Variants in GALNT15 observed in about 807,000 individuals in gnomAD.
GALNT15 encodes polypeptide N-acetylgalactosaminyltransferase 15.
A neutral mutation model predicts 66.8 loss-of-function variants in GALNT15; 67 were observed. That is an observed-to-expected ratio of 1.00 (90% confidence interval 0.82 to 1.23). The LOEUF (loss-of-function observed/expected upper bound fraction) is 1.23, where lower values mean the gene tolerates loss of function less well. Among genes scored for constraint, GALNT15 ranks in the 50% most tolerant of loss-of-function variants. The pLI is 0.00. For missense variants in GALNT15, 827 were observed against 804.3 expected (o/e 1.03, Z -0.34); for synonymous variants, 313 against 311.5 (o/e 1.00, Z -0.05).
downstream of GALNT15, among the ~76,000 whole-genome samples, chr3:16,230,272 G>A (rs2064069615): frequency 6.6e-6 from 1 of 152,212 alleles, no homozygotes; most frequent in Admixed American, 6.5e-5. This position sits in a 1 kb window ranked among gnomAD's most constrained non-coding sequence, Gnocchi z 4.5. Context: ...AACAGTAAGA[G>A]CAGATATCCT....
rs1248983437 is a variant in GALNT15 at position 16,224,632 on chromosome 3, C to CTATT, written c.1773+1875_1773+1876insATTT. Among the ~76,000 whole-genome samples, 4 of 131,958 alleles carry CTATT rather than the reference C, an allele frequency of 3.0e-5. No individual in the cohort carries two copies. The highest frequency in any genetic ancestry group is 1.1e-4 in the African/African-American group (4 of 35,318). 86.6% of individuals were successfully genotyped at this position (131,958 alleles called of 152,430 possible). On this transcript the variant is annotated intron_variant, in intron 9 of 9. Transcript: ENST00000339732. The surrounding 1 kb of genome is among the most constrained non-coding windows in gnomAD (Gnocchi z 5.2). Reference sequence around the variant, plus strand: ...TTTAACACTATTGTAGTAGGCTATTCTTTTTTTTTTTTTTTTTTTTAAAGA... The same window carrying CTATT: ...TTTAACACTATTGTAGTAGGCTATTCTATTTTTTTTTTTTTTTTTTTTTTAAAGA...
chr3:16,226,513 G>A (rs1299473593), intron 9 of GALNT15, among the ~76,000 whole-genome samples: 2 of 152,168 alleles, frequency 1.3e-5, no homozygotes, highest in East Asian at 1.9e-4. Context: ...AGCAAGCCCC[G>A]TCCTTACATG....
In GALNT15 at chr3:16,220,029, TTC is replaced by T. The variant is rs772928629; in HGVS notation, c.1629+18_1629+19del. The T allele has an allele frequency of 2.0e-5, 32 of 1,585,714 alleles. No individual in the cohort carries two copies. The African/African-American group carries it at 3.9e-4, about 19-fold the overall frequency. On this transcript the variant is annotated intron_variant, in intron 8 of 9. Transcript: ENST00000339732. ...GGCAGCAACAGGTGGGTAGTCAGACTTCTCAGGATGGATGATAGCCCAAGAAG... is the reference window on the plus strand; with the variant it reads ...GGCAGCAACAGGTGGGTAGTCAGACTTCAGGATGGATGATAGCCCAAGAAG...
In GALNT15 at chr3:16,228,967, T is replaced by G. The variant is rs896804759; in HGVS notation, c.*1467T>G. ...ATGACTTTCCTTGCTATGACTTGGC[T>G]TACCTGAATTAGCTGTAAGAGTTGC... On this transcript the variant is annotated 3_prime_UTR_variant, in exon 10 of 10. Transcript: ENST00000339732. The G allele has an allele frequency of 1.0e-5, 10 of 985,348 alleles. No homozygotes were observed. In the African/African-American group the frequency reaches 1.6e-4, roughly 15 times the overall value. The allele number at this position is 985,348 out of a possible 1,614,324, so 61.0% of individuals were successfully genotyped here. A position where few individuals can be genotyped will look rare whatever the true frequency, so the allele number is the denominator to read the frequency against.
the GALNT15 span, among the ~76,000 whole-genome samples, chr3:16,248,083 T>G: frequency 1.3e-5 from 2 of 152,214 alleles, no homozygotes; most frequent in African/African-American, 4.8e-5. This position sits in a 1 kb window ranked among gnomAD's most constrained non-coding sequence, Gnocchi z 4.9. Flanking sequence ...TCCTGCAGTT[T>G]ACTGACAATG....
At chr3:16,223,058 G>A (rs570365368) in intron 9 of GALNT15, among the ~76,000 whole-genome samples, 2 of 152,140 alleles carry the variant, frequency 1.3e-5, no homozygotes, top group African/African-American at 4.8e-5. Flanking sequence ...TCACAAGTAG[G>A]ATGGTGAGGC....
chr3:16,217,728 T>C (rs1402391792), intron 6 of GALNT15, among the ~76,000 whole-genome samples: 1 of 152,074 alleles, frequency 6.6e-6, no homozygotes, highest in Non-Finnish European at 1.5e-5. Context: ...CAAACAAAGA[T>C]TGGGTAGATT....
rs2063501752 is a variant in GALNT15, at chr3:16,184,759, T to C, written c.539+9069T>C. The stretch of plus-strand genomic sequence containing the variant: ...AGCAGAGATGCCTGAGAGAGGCATG[T>C]GTTCAAGGCAGCTACCTCTGTGGGC... On this transcript the variant is annotated intron_variant, in intron 1 of 9. Coordinates refer to ENST00000339732, the MANE Select transcript of GALNT15 (RefSeq NM_054110.5). This position sits in a 1 kb window ranked among gnomAD's most constrained non-coding sequence, Gnocchi z 5.0. 6.6e-6 allele frequency among the ~76,000 whole-genome samples: 1 copy of C among 152,206 alleles called. No homozygotes were observed. The highest frequency in any genetic ancestry group is 1.9e-4 in the East Asian group (1 of 5,184).
In GALNT15 at chr3:16,218,854, G is replaced by A. The variant is rs7634032; in HGVS notation, c.1393-549G>A. ...TTTTGCGAGGAAGTCTTGCTCTGTC[G>A]CCCAGGCTGGAGTACAGTAACACGA... On this transcript the variant is annotated intron_variant, in intron 6 of 9. Coordinates refer to ENST00000339732, the MANE Select transcript of GALNT15 (RefSeq NM_054110.5). 3.6e-3 allele frequency among the ~76,000 whole-genome samples: 451 copies of A among 125,994 alleles called. 2 individuals carry two copies. Among genetic ancestry groups the A allele is most frequent in the African/African-American group, 0.013 (412 of 32,146 alleles). The allele number at this position is 125,994 out of a possible 152,430, so 82.7% of individuals were successfully genotyped here.
chr3:16,215,168 C>G (rs2063858127), intron 6 of GALNT15, among the ~76,000 whole-genome samples: 1 of 152,248 alleles, frequency 6.6e-6, no homozygotes, highest in Non-Finnish European at 1.5e-5. Flanking sequence ...ATTTACAGAA[C>G]TTCAACCTTC....
intron 1 of GALNT15, among the ~76,000 whole-genome samples, chr3:16,178,851 G>A (rs2063441049): frequency 6.6e-6 from 1 of 152,204 alleles, no homozygotes; most frequent in Non-Finnish European, 1.5e-5. Flanking sequence ...GCCTCGGGCT[G>A]TAGCGCACCC....
chr3:16,209,975 GC>G lies in GALNT15; in HGVS notation c.1080-1147del, dbSNP rs530697390. ...ATATTAGTATATTTGACTAAAGAGT[GC>G]CGGGCAGACCCCACTAGGACTGATG... On this transcript the variant is annotated intron_variant, in intron 4 of 9. Transcript: ENST00000339732. The surrounding 1 kb of genome is among the most constrained non-coding windows in gnomAD (Gnocchi z 4.1). Among the ~76,000 whole-genome samples, 902 of 152,312 alleles carry G rather than the reference GC, an allele frequency of 5.9e-3. 12 individuals are homozygous for G. Among genetic ancestry groups the G allele is most frequent in the Non-Finnish European group, 6.4e-3 (438 of 68,042 alleles).
the GALNT15 span, among the ~76,000 whole-genome samples, chr3:16,246,103 C>G: frequency 6.9e-3 from 1,054 of 152,236 alleles, 9 homozygotes; most frequent in African/African-American, 0.024. Flanking sequence ...TCCCATCTTC[C>G]TCAGCTCAGA....
At chr3:16,232,402 C>CA (rs1559698241), downstream of GALNT15, among the ~76,000 whole-genome samples, 1 of 141,746 alleles carries the variant, frequency 7.1e-6, no homozygotes. Context: ...CCTATCTCTA[C>CA]AAAAAACAAA....
rs767263142 is a variant in GALNT15 at position 16,175,732 on chromosome 3, T to A, written c.539+42T>A. The A allele has an allele frequency of 6.7e-7, 1 of 1,497,550 alleles. No individual in the cohort carries two copies. The highest frequency in any genetic ancestry group is 2.3e-5 in the East Asian group (1 of 43,830). The allele number at this position is 1,497,550 out of a possible 1,614,324, so 92.8% of individuals were successfully genotyped here. On this transcript the variant is annotated intron_variant, in intron 1 of 9. Transcript: ENST00000339732. The surrounding 1 kb of genome is among the most constrained non-coding windows in gnomAD (Gnocchi z 5.6). ...TTTTCCCTTCCCTGATCCCAGGGCA[T>A]GATCGGGTGGTAGCAAACTCGGGAA...
chr3:16,243,255 T>C, the GALNT15 span, among the ~76,000 whole-genome samples: 1 of 152,168 alleles, frequency 6.6e-6, no homozygotes, highest in Admixed American at 6.5e-5. Flanking sequence ...TCGTGCAAGA[T>C]GAATCTAAGC....
Position 16,211,128 on chromosome 3 carries a change from C to T in GALNT15, c.1084C>T (p.Pro362Ser), listed in dbSNP as rs779278226. The change falls in exon 5 of 10, where the codon CCT becomes TCT. Residue 362 changes from proline to serine, a missense_variant. By Grantham distance (74) the Pro-to-Ser change is moderately conservative (BLOSUM62 -1). Transcript: ENST00000339732. The surrounding 1 kb of genome is among the most constrained non-coding windows in gnomAD (Gnocchi z 4.3). Reference sequence around the variant, plus strand: ...CTGCCTGTCTTCTGTGTCCAGGAGCCCTGTGGTGCCCGGAGAGGTGGTGGC... The same window carrying T: ...CTGCCTGTCTTCTGTGTCCAGGAGCTCTGTGGTGCCCGGAGAGGTGGTGGC... ...LQSPISPIRS[P>S]VVPGEVVAMD... 1.2e-6 allele frequency: 2 copies of T among 1,611,068 alleles called. No homozygotes were observed. The highest frequency in any genetic ancestry group is 4.5e-5 in the East Asian group (2 of 44,860).
rs545118973 is a variant in GALNT15, at chr3:16,208,719, C to A, written c.1079+49C>A. ...TTTGCCATTGCCTCCTCAGGATGGA[C>A]TCTGCAGCCTGCCTGCCTGGGGTCT... On this transcript the variant is annotated intron_variant, in intron 4 of 9. Transcript: ENST00000339732. 1.6e-4 allele frequency: 253 copies of A among 1,548,106 alleles called. 4 individuals carry two copies. In the South Asian group the frequency reaches 2.7e-3, roughly 17 times the overall value.
At position 16,229,786 on chromosome 3, in the gene GALNT15, G is replaced by A; in HGVS notation, c.*2286G>A. On this transcript the variant is annotated 3_prime_UTR_variant, in exon 10 of 10. Coordinates refer to ENST00000339732, the MANE Select transcript of GALNT15 (RefSeq NM_054110.5). ...TGGCAATTAACAAAAGGACCCAGAT[G>A]GCTTATTGCCTAATTGGGTGAACAA... 1.0e-6 allele frequency: 1 copy of A among 969,512 alleles called. No individual in the cohort carries two copies. The highest frequency in any genetic ancestry group is 4.8e-5 in the South Asian group (1 of 20,952). 60.1% of individuals were successfully genotyped at this position (969,512 alleles called of 1,614,324 possible). A position where few individuals can be genotyped will look rare whatever the true frequency, so the allele number is the denominator to read the frequency against.
Sources: gnomAD v4.1 joint callset for allele counts (sites outside exome capture counted in the v4.1 genomes callset) on GRCh38, gnomAD v4.1.1 for gene constraint, Gnocchi (gnomAD v3.1) non-coding constraint, MANE v1.5 for transcripts, NCBI Gene and HGNC (gene_info 2026-07-23, HGNC 2026-07-21) for gene names.